The following DLG2 variants were observed in gnomAD, a reference collection of about 807,000 sequenced individuals.
DLG2 encodes the protein discs large MAGUK scaffold protein 2, also known as disks large homolog 2.
Under a neutral mutation model 132.5 loss-of-function variants are expected in DLG2, and 45 were observed. The observed-to-expected ratio is 0.34, with a 90% confidence interval of 0.27 to 0.44. The LOEUF (loss-of-function observed/expected upper bound fraction) is 0.44, where lower values mean the gene tolerates loss of function less well. DLG2 is among the 20% of genes least tolerant of loss of function. The pLI is 1.00. For synonymous variants in DLG2, 424 were observed against 419.6 expected, an observed-to-expected ratio of 1.01 and a Z score of -0.13; for missense variants, 1,045 against 1,196.9, an observed-to-expected ratio of 0.87 and a Z score of 1.87.
At chr11:84,875,283 C>G (rs969696575) in intron 6 of DLG2, among the ~76,000 whole-genome samples, 2 of 151,980 alleles carry the variant, frequency 1.3e-5, no homozygotes, top group Non-Finnish European at 2.9e-5. Context: ...GTTAAGAGTT[C>G]AGAATAGAAG....
intron 6 of DLG2, among the ~76,000 whole-genome samples, chr11:84,858,443 T>A (rs552577776): frequency 6.6e-6 from 1 of 152,192 alleles, no homozygotes; most frequent in African/African-American, 2.4e-5. Flanking sequence ...GCTCTGAAAT[T>A]GTGCATTTGT....
intron 6 of DLG2, among the ~76,000 whole-genome samples, chr11:84,967,027 A>G (rs1261282594): frequency 6.6e-6 from 1 of 152,138 alleles, no homozygotes; most frequent in Non-Finnish European, 1.5e-5. Flanking sequence ...CTGAGCCAAA[A>G]TGCCTATAGG....
intron 3 of DLG2, among the ~76,000 whole-genome samples, chr11:85,395,966 T>A (rs2087314378): frequency 6.6e-6 from 1 of 152,134 alleles, no homozygotes; most frequent in Non-Finnish European, 1.5e-5. Flanking sequence ...CCTCCTCAAG[T>A]GAGTCCCTGA....
At chr11:85,439,722 G>C (rs914050914) in intron 3 of DLG2, among the ~76,000 whole-genome samples, 1 of 152,144 alleles carries the variant, frequency 6.6e-6, no homozygotes, top group Non-Finnish European at 1.5e-5. Context: ...GGGATTAAAA[G>C]AGATATATGT....
chr11:84,059,244 G>T, intron 11 of DLG2, 71 bp downstream of exon 11: 5 of 1,453,262 alleles, frequency 3.4e-6, no homozygotes, highest in South Asian at 1.2e-5. Flanking sequence ...TTCATCATAC[G>T]ACTATCGTGG....
At chr11:83,698,099 G>A (rs1016778932) in intron 18 of DLG2, among the ~76,000 whole-genome samples, 2 of 152,222 alleles carry the variant, frequency 1.3e-5, no homozygotes, top group African/African-American at 4.8e-5. Context: ...ATCTGTAAAT[G>A]AAGACTATGA....
intron 18 of DLG2, among the ~76,000 whole-genome samples, chr11:83,666,334 G>A (rs986183643): frequency 1.3e-5 from 2 of 152,120 alleles, no homozygotes; most frequent in African/African-American, 4.8e-5. Context: ...GCAGGAACTG[G>A]GCCGCACAGC....
chr11:85,210,747 G>A (rs781668012), intron 4 of DLG2, among the ~76,000 whole-genome samples: 10 of 152,118 alleles, frequency 6.6e-5, no homozygotes, highest in South Asian at 2.1e-4. Flanking sequence ...CTAATGACTC[G>A]GGACTCCTCT....
intron 11 of DLG2, among the ~76,000 whole-genome samples, chr11:84,053,478 A>C (rs1304334434): frequency 6.6e-6 from 1 of 152,000 alleles, no homozygotes; most frequent in Non-Finnish European, 1.5e-5. Flanking sequence ...TTTATATTAA[A>C]TATTATATTA....
rs146905272 is a variant in DLG2, at chr11:84,993,039, T to C, written c.357+118622A>G. 4.1e-3 allele frequency among the ~76,000 whole-genome samples: 632 copies of C among 152,316 alleles called. 7 individuals are homozygous for C. The highest frequency in any genetic ancestry group is 0.013 in the African/African-American group (533 of 41,570). On this transcript the variant is annotated intron_variant, in intron 6 of 27. Coordinates refer to ENST00000376104, the MANE Select transcript of DLG2 (RefSeq NM_001142699.3). ...TGGAACCAACCCAAATGCCCATCAA[T>C]GATAGACTGGATAAAGCAAATGTGG...
intron 8 of DLG2, among the ~76,000 whole-genome samples, chr11:84,195,562 G>A (rs1329255945): frequency 6.6e-6 from 1 of 152,208 alleles, no homozygotes; most frequent in Non-Finnish European, 1.5e-5. Flanking sequence ...AGGTCCCATA[G>A]TTACACAATG....
chr11:84,697,228 T>C (rs1438897608), intron 6 of DLG2, among the ~76,000 whole-genome samples: 1 of 151,486 alleles, frequency 6.6e-6, no homozygotes, highest in Non-Finnish European at 1.5e-5. Context: ...ATAGTACTGT[T>C]TTCTGTAATT....
chr11:83,892,718 T>A (rs2070314627), intron 15 of DLG2, among the ~76,000 whole-genome samples: 1 of 150,796 alleles, frequency 6.6e-6, no homozygotes. Flanking sequence ...AAAACTCACC[T>A]CTAGAGGCCA....
At chr11:84,729,548 T>C (rs1309794945) in intron 6 of DLG2, among the ~76,000 whole-genome samples, 2 of 152,144 alleles carry the variant, frequency 1.3e-5, no homozygotes, top group East Asian at 1.9e-4. Context: ...GTAGAATGCA[T>C]ATTCTGTTGA....
intron 14 of DLG2, 73 bp downstream of exon 14, chr11:83,962,812 C>G: frequency 6.4e-7 from 1 of 1,568,696 alleles, no homozygotes; most frequent in East Asian, 2.3e-5. Context: ...AAAACAACAC[C>G]TGACATGTTA....
chr11:84,675,300 G>A (rs1264053650), intron 6 of DLG2, among the ~76,000 whole-genome samples: 2 of 152,046 alleles, frequency 1.3e-5, no homozygotes, highest in African/African-American at 2.4e-5. Flanking sequence ...TTAGGAAAGA[G>A]AAATCATAAA....
At chr11:84,314,593 CATGAAAAA>C in intron 7 of DLG2, among the ~76,000 whole-genome samples, 1 of 151,876 alleles carries the variant, frequency 6.6e-6, no homozygotes, top group East Asian at 1.9e-4. Flanking sequence ...ATAAAATTTA[CATGAAAAA>C]ATACTTTATA....
At chr11:85,533,476 T>TATATATAAAA (rs1233917527) in intron 3 of DLG2, among the ~76,000 whole-genome samples, 1 of 148,558 alleles carries the variant, frequency 6.7e-6, no homozygotes, top group Non-Finnish European at 1.5e-5. Flanking sequence ...TATATATATA[T>TATATATAAAA]AATTCTTTTT....
chr11:84,264,607 TCC>T (rs1438002709), intron 7 of DLG2, among the ~76,000 whole-genome samples: 1 of 152,160 alleles, frequency 6.6e-6, no homozygotes, highest in African/African-American at 2.4e-5. Context: ...AAATGATGAT[TCC>T]CAGGCTGGGA....
Sources: gnomAD v4.1 joint callset for allele counts (sites outside exome capture counted in the v4.1 genomes callset) on GRCh38, gnomAD v4.1.1 for gene constraint, MANE v1.5 for transcripts, NCBI Gene and HGNC (gene_info 2026-07-23, HGNC 2026-07-21) for gene names.